RNASEH1: variants seen among roughly 807,000 people sequenced by gnomAD.
The protein encoded by RNASEH1 is ribonuclease H1, also known as ribonuclease H type II.
A neutral mutation model predicts 34.6 loss-of-function variants in RNASEH1; 27 were observed. The ratio of observed to expected loss-of-function variants is 0.78; its 90% CI spans 0.58 to 1.08. The LOEUF is 1.08. RNASEH1 is among the 50% of genes least tolerant of loss of function. The pLI, the probability that RNASEH1 is intolerant of heterozygous loss-of-function variation, is 0.00. For missense variants in RNASEH1, 349 were observed against 373.6 expected (o/e 0.93, Z 0.54); for synonymous variants, 162 against 138.4 (o/e 1.17, Z -1.20).
rs1668679387 is a variant in RNASEH1 at position 3,545,702 on chromosome 2, T to G, written c.*83A>C. 1 of 899,378 alleles carries G rather than the reference T, an allele frequency of 1.1e-6. No individual in the cohort carries two copies. The highest frequency in any genetic ancestry group is 1.7e-5 in the Admixed American group (1 of 58,180). 55.7% of individuals were successfully genotyped at this position (899,378 alleles called of 1,614,324 possible). On this transcript the variant is annotated 3_prime_UTR_variant, in exon 8 of 8. Coordinates refer to ENST00000315212, the MANE Select transcript of RNASEH1 (RefSeq NM_002936.6). ...TGCCCATCACTGCAATGGTCCTACC[T>G]GCAGGCTATTTTCCACACCAGTAAG... is the stretch of plus-strand genomic sequence containing the variant.
chr2:3,545,868 G>T lies in RNASEH1; in HGVS notation c.778C>A (p.His260Asn). ...ATAAATCCCGAATGACCAGGAACAT[G>T]CATCTGTTAAGATAAATGTTTTCCT... Reference protein sequence around the residue: ...LTQGMDIQWMHVPGHSGFIGN... With the variant: ...LTQGMDIQWMNVPGHSGFIGN... Residue 260 changes from histidine (H) to asparagine (N), a missense_variant, in exon 8 of 8, where the codon CAT (histidine) becomes AAT (asparagine). His to Asn is a moderately conservative substitution (Grantham distance 68, BLOSUM62 1). Transcript: ENST00000315212. The T allele has an allele frequency of 6.2e-7, 1 of 1,604,486 alleles. No homozygotes were observed. Among genetic ancestry groups the T allele is most frequent in the Non-Finnish European group, 8.5e-7 (1 of 1,171,190 alleles).
In RNASEH1 at chr2:3,545,881, T is replaced by A. The variant is rs1261336830; in HGVS notation, c.775-10A>T. 3.8e-6 allele frequency: 6 copies of A among 1,595,586 alleles called. No homozygotes were observed. The South Asian group carries it at 4.4e-5, about 12-fold the overall frequency. On this transcript the variant is annotated splice_polypyrimidine_tract_variant and intron_variant, in intron 7 of 7. Coordinates refer to ENST00000315212, the MANE Select transcript of RNASEH1 (RefSeq NM_002936.6). ...GACCAGGAACATGCATCTGTTAAGA[T>A]AAATGTTTTCCTTTTATTTTTACTC... is the stretch of plus-strand genomic sequence containing the variant.
At position 3,545,874 on chromosome 2, in the gene RNASEH1, G is replaced by A. The variant is rs1233701686; in HGVS notation, c.775-3C>T. On this transcript the variant is annotated splice_region_variant and splice_polypyrimidine_tract_variant and intron_variant, in intron 7 of 7. Transcript: ENST00000315212. The stretch of plus-strand genomic sequence containing the variant: ...CCCGAATGACCAGGAACATGCATCT[G>A]TTAAGATAAATGTTTTCCTTTTATT... The A allele has an allele frequency of 1.8e-5, 28 of 1,597,966 alleles. No individual in the cohort carries two copies. Among genetic ancestry groups the A allele is most frequent in the African/African-American group, 4.0e-5 (3 of 74,620 alleles).
At chr2:3,548,798 C>T (rs1028603885) in intron 5 of RNASEH1, 74 bp from the exon 6 acceptor site, 18 of 1,093,008 alleles carry the variant, frequency 1.6e-5, no homozygotes, top group African/African-American at 9.3e-5. Flanking sequence ...AAAAGTACTT[C>T]GAAATTGAAA....
At position 3,545,537 on chromosome 2, in the gene RNASEH1, T is replaced by C. The variant is rs1668664400; in HGVS notation, c.*248A>G. On this transcript the variant is annotated 3_prime_UTR_variant, in exon 8 of 8. Coordinates refer to ENST00000315212, the MANE Select transcript of RNASEH1 (RefSeq NM_002936.6). Reference sequence around the variant, plus strand: ...TGCAATAAAACAAGCAAGGACAGTATTGAACCCAGTAAACATAATGTGGAA... The same window carrying C: ...TGCAATAAAACAAGCAAGGACAGTACTGAACCCAGTAAACATAATGTGGAA... The C allele has an allele frequency of 1.1e-5, 6 of 529,434 alleles. No individual in the cohort carries two copies. Among genetic ancestry groups the C allele is most frequent in the East Asian group, 3.1e-5 (1 of 31,906 alleles). 32.8% of individuals were successfully genotyped at this position (529,434 alleles called of 1,614,324 possible).
intron 4 of RNASEH1, among the ~76,000 whole-genome samples, chr2:3,549,665 A>G (rs1669091810): frequency 6.6e-6 from 1 of 151,092 alleles, no homozygotes; most frequent in Non-Finnish European, 1.5e-5. Context: ...CCTGGGCAAC[A>G]TAGTGAGACT....
rs1382512154 is a variant in RNASEH1, at chr2:3,541,592, GAGT to G, written c.*4190_*4192del. Reference sequence around the variant, plus strand: ...GGGTGAATGCCAAAATAATTATGCTGAGTAGAAGCACCTCCCCCCACAGTACTT... The same window carrying G: ...GGGTGAATGCCAAAATAATTATGCTGAGAAGCACCTCCCCCCACAGTACTT... On this transcript the variant is annotated 3_prime_UTR_variant, in exon 8 of 8. Transcript: ENST00000315212. Among the ~76,000 whole-genome samples, 1 of 152,170 alleles carries G rather than the reference GAGT, an allele frequency of 6.6e-6. No homozygotes were observed. Among genetic ancestry groups the G allele is most frequent in the Admixed American group, 6.5e-5 (1 of 15,276 alleles).
chr2:3,551,519 T>C (rs1174888175), intron 3 of RNASEH1, among the ~76,000 whole-genome samples: 3 of 152,236 alleles, frequency 2.0e-5, no homozygotes, highest in African/African-American at 7.2e-5. Flanking sequence ...GCAAAACATA[T>C]CTATAAATAA....
intron 2 of RNASEH1, among the ~76,000 whole-genome samples, chr2:3,554,803 C>G (rs1274886400): frequency 6.6e-6 from 1 of 152,106 alleles, no homozygotes; most frequent in Non-Finnish European, 1.5e-5. Flanking sequence ...ATCAGGAACC[C>G]AGCAAAGAAG....
intron 2 of RNASEH1, among the ~76,000 whole-genome samples, chr2:3,553,167 G>A (rs1660149298): frequency 6.6e-6 from 1 of 151,680 alleles, no homozygotes; most frequent in African/African-American, 2.4e-5. Flanking sequence ...AGAATGGTGT[G>A]AACCCAGGAG....
In RNASEH1 at chr2:3,545,589, G is replaced by A; in HGVS notation, c.*196C>T. 1.7e-6 allele frequency: 1 copy of A among 572,642 alleles called. No individual in the cohort carries two copies. Among genetic ancestry groups the A allele is most frequent in the Non-Finnish European group, 3.1e-6 (1 of 319,884 alleles). The allele number at this position is 572,642 out of a possible 1,614,324, so 35.5% of individuals were successfully genotyped here. ...TCTCACATAATTCTCCAATCTCAAAGATGTTCAATTTATTATATACTTAAC... is the reference window on the plus strand; with the variant it reads ...TCTCACATAATTCTCCAATCTCAAAAATGTTCAATTTATTATATACTTAAC... On this transcript the variant is annotated 3_prime_UTR_variant, in exon 8 of 8. Coordinates refer to ENST00000315212, the MANE Select transcript of RNASEH1 (RefSeq NM_002936.6).
At chr2:3,547,170 T>A (rs1229577823) in intron 7 of RNASEH1, among the ~76,000 whole-genome samples, 1 of 152,160 alleles carries the variant, frequency 6.6e-6, no homozygotes, top group African/African-American at 2.4e-5. Context: ...AATTTGTGTA[T>A]GTGGGTGGGT....
Position 3,552,256 on chromosome 2 carries a change from G to A in RNASEH1, c.297C>T (p.Leu99=), listed in dbSNP as rs777744763. 2.3e-5 allele frequency: 37 copies of A among 1,614,100 alleles called. No individual in the cohort carries two copies. The East Asian group carries it at 5.3e-4, about 23-fold the overall frequency. The change falls in exon 3 of 8, where the codon CTC becomes CTT. Residue 99 remains leucine, a synonymous_variant. Transcript: ENST00000315212. ...QESEAKASKR[L]REPLDGDGHE... is the part of the protein sequence containing the mutation. ...GTCCATCTCCATCCAGTGGCTCACG[G>A]AGTCGCTTGCTGGCTTTCGCCTCCG... is the stretch of plus-strand genomic sequence containing the variant.
chr2:3,556,820 G>C lies in RNASEH1; in HGVS notation c.213C>G (p.Val71=). 6.2e-7 allele frequency: 1 copy of C among 1,613,926 alleles called. No individual in the cohort carries two copies. The highest frequency in any genetic ancestry group is 8.5e-7 in the Non-Finnish European group (1 of 1,179,786). ...FATEDEAWAF[V]RKSASPEVSE... ...AAACTTCCGGGCTTGCAGATTTCCT[G>C]ACAAAGGCCCAGGCCTCATCCTCTG... The change falls in exon 2 of 8, where the codon GTC becomes GTG. Residue 71 remains valine (V), a synonymous_variant. Coordinates refer to ENST00000315212, the MANE Select transcript of RNASEH1 (RefSeq NM_002936.6).
chr2:3,547,187 T>C (rs1668837200), intron 7 of RNASEH1, among the ~76,000 whole-genome samples: 1 of 152,168 alleles, frequency 6.6e-6, no homozygotes, highest in Non-Finnish European at 1.5e-5. Flanking sequence ...GGGTTTGTTT[T>C]GTTTTTCTGA....
In RNASEH1 at chr2:3,556,835, C is replaced by T; in HGVS notation, c.198G>A (p.Glu66=). 6.2e-7 allele frequency: 1 copy of T among 1,614,114 alleles called. No individual in the cohort carries two copies. Among genetic ancestry groups the T allele is most frequent in the Non-Finnish European group, 8.5e-7 (1 of 1,179,928 alleles). Residue 66 remains glutamate, a synonymous_variant, in exon 2 of 8, where the codon GAG becomes GAA. Transcript: ENST00000315212. The part of the protein sequence containing the change: ...ARFKKFATED[E]AWAFVRKSAS... ...CAGATTTCCTGACAAAGGCCCAGGC[C>T]TCATCCTCTGTGGCAAACTTCTTAA...
intron 2 of RNASEH1, among the ~76,000 whole-genome samples, chr2:3,554,863 A>G (rs2147772505): frequency 6.6e-6 from 1 of 152,374 alleles, no homozygotes; most frequent in Non-Finnish European, 1.5e-5. Context: ...TGATTTTTCC[A>G]TCTGGGTAGA....
At chr2:3,557,823 T>A (rs955332790) in intron 1 of RNASEH1, 8 of 1,309,858 alleles carry the variant, frequency 6.1e-6, no homozygotes, top group Admixed American at 2.2e-5. Context: ...TGATTACGTG[T>A]CACTTTTTGT....
intron 4 of RNASEH1, 25 bp downstream of exon 4, chr2:3,550,348 T>C (rs759670411): frequency 6.4e-7 from 1 of 1,556,346 alleles, no homozygotes; most frequent in South Asian, 1.1e-5. Context: ...CATGATTCAG[T>C]AAAACTCAGC....
Sources: gnomAD v4.1 joint callset for allele counts (sites outside exome capture counted in the v4.1 genomes callset) on GRCh38, gnomAD v4.1.1 for gene constraint, MANE v1.5 for transcripts, NCBI Gene and HGNC (gene_info 2026-07-23, HGNC 2026-07-21) for gene names.